AGRN: variants seen among roughly 807,000 people sequenced by gnomAD.
AGRN encodes agrin proteoglycan.
In AGRN, 106 loss-of-function variants were observed where a neutral mutation model predicts 211.0. That is an observed-to-expected ratio of 0.50 (90% CI 0.43 to 0.59). The LOEUF (loss-of-function observed/expected upper bound fraction) is 0.59, where lower values mean the gene tolerates loss of function less well. AGRN is among the 20% of genes least tolerant of loss of function. AGRN has a pLI of 0.00. For synonymous variants in AGRN, 1,525 were observed against 1,332.5 expected (o/e 1.14, Z -3.15); for missense variants, 3,040 against 2,982.6 (o/e 1.02, Z -0.45).
In AGRN at chr1:1,044,408, G is replaced by C. The variant is rs763474149; in HGVS notation, c.2223G>C (p.Gly741=). The change falls in exon 12 of 36, where the codon GGG becomes GGC. Residue 741 remains glycine, a synonymous_variant. Coordinates refer to ENST00000379370, the MANE Select transcript of AGRN (RefSeq NM_198576.4). ...AGGCCAGGTGTGAGTCACAGCGAGG[G>C]CTCTACGTAGCGGCCCAGGGAGCCT... is the stretch of plus-strand genomic sequence containing the variant. The part of the protein sequence containing the change: ...LKKARCESQR[G]LYVAAQGACR... 2 of 1,611,888 alleles carry C rather than the reference G, an allele frequency of 1.2e-6. No individual in the cohort carries two copies. The highest frequency in any genetic ancestry group is 3.3e-5 in the Admixed American group (2 of 59,920).
In AGRN at chr1:1,041,403, C is replaced by A. The variant is rs980423212; in HGVS notation, c.952+6C>A. 8 of 1,543,968 alleles carry A rather than the reference C, an allele frequency of 5.2e-6. No individual in the cohort carries two copies. In the South Asian group the frequency reaches 5.9e-5, roughly 11 times the overall value. ...GAAGTTCGACGGCCCTTGTGGTGAG[C>A]GCGGCGGCGGGCGCACGGCTCGAGC... On this transcript the variant is annotated splice_donor_region_variant and intron_variant, in intron 5 of 35. Transcript: ENST00000379370.
chr1:1,022,455 T>G lies in AGRN; in HGVS notation c.456T>G (p.Cys152Trp). The stretch of plus-strand genomic sequence containing the variant: ...GGAACCTGGAGGAGGTGGAGTTCTG[T>G]GTGGAAGGTGCGTGGTGGGGGGCTC... ...TLRNLEEVEF[C>W]VEDKPGTHFT... is the part of the protein sequence containing the mutation. The change falls in exon 2 of 36, where the codon TGT (cysteine) becomes TGG (tryptophan). Residue 152 changes from cysteine (C) to tryptophan (W), a missense_variant. By Grantham distance (215) the Cys-to-Trp change is radical. Transcript: ENST00000379370. 1 of 1,608,612 alleles carries G rather than the reference T, an allele frequency of 6.2e-7. No individual in the cohort carries two copies. The highest frequency in any genetic ancestry group is 2.2e-5 in the East Asian group (1 of 44,754).
rs201682470 is a variant in AGRN, at chr1:1,031,050, A to ATG, written c.464-4216_464-4215dup. On this transcript the variant is annotated intron_variant, in intron 2 of 35. Coordinates refer to ENST00000379370, the MANE Select transcript of AGRN (RefSeq NM_198576.4). The surrounding 1 kb of genome is among the most constrained non-coding windows in gnomAD (Gnocchi z 4.8). ...TGCATGGTGCTGTGAGTGTATCAGC[A>ATG]TGTGTGTGTGTGCAGTGCATGGTGC... 1.1e-5 allele frequency among the ~76,000 whole-genome samples: 1 copy of ATG among 92,982 alleles called. No individual in the cohort carries two copies. 61.0% of individuals were successfully genotyped at this position (92,982 alleles called of 152,430 possible).
In AGRN at chr1:1,050,852, C is replaced by A; in HGVS notation, c.5253+15C>A. 1 of 1,543,354 alleles carries A rather than the reference C, an allele frequency of 6.5e-7. No homozygotes were observed. On this transcript the variant is annotated intron_variant, in intron 30 of 35. Transcript: ENST00000379370. The stretch of plus-strand genomic sequence containing the variant: ...GGGAGTCCCCGGTGAGTGCTCTGGG[C>A]CGCGAGGGGACTCCCGCTGCTGCCT...
In AGRN at chr1:1,050,171, C is replaced by T. The variant is rs935810924; in HGVS notation, c.4880-62C>T. On this transcript the variant is annotated intron_variant, in intron 27 of 35. Transcript: ENST00000379370. ...GTTTTGAGTTAGGATCCACACACGGCTGGCATGGGGTGCAGGAGGCCCCGG... is the reference window on the plus strand; with the variant it reads ...GTTTTGAGTTAGGATCCACACACGGTTGGCATGGGGTGCAGGAGGCCCCGG... 19 of 1,600,382 alleles carry T rather than the reference C, an allele frequency of 1.2e-5. No individual in the cohort carries two copies. The South Asian group carries it at 1.5e-4, about 13-fold the overall frequency.
intron 33 of AGRN, chr1:1,053,518 C>G (rs535266341): frequency 6.5e-7 from 1 of 1,527,844 alleles, no homozygotes; most frequent in African/African-American, 1.4e-5. Flanking sequence ...GCAGTGCCTG[C>G]AGACCCCTGG....
chr1:1,049,084 G>T, intron 24 of AGRN, 25 bp downstream of exon 24: 3 of 1,449,464 alleles, frequency 2.1e-6, no homozygotes, highest in South Asian at 1.3e-5. Flanking sequence ...GACGGGGCCG[G>T]GGCAGCTCAG....
Position 1,047,898 on chromosome 1 carries a change from G to A in AGRN, c.3751+3G>A. 6.2e-7 allele frequency: 1 copy of A among 1,603,042 alleles called. No homozygotes were observed. The highest frequency in any genetic ancestry group is 8.5e-7 in the Non-Finnish European group (1 of 1,176,028). On this transcript the variant is annotated splice_donor_region_variant and intron_variant, in intron 22 of 35. Transcript: ENST00000379370. ...GCACGTGCGATTTATGGACTTTGGT[G>A]AGCGCCAGGCCACGAGCCACAGCTT...
chr1:1,041,247 G>A lies in AGRN; in HGVS notation c.802G>A (p.Ala268Thr), dbSNP rs747150231. 7 of 1,492,596 alleles carry A rather than the reference G, an allele frequency of 4.7e-6. No individual in the cohort carries two copies. Among genetic ancestry groups the A allele is most frequent in the Admixed American group, 4.4e-5 (2 of 45,894 alleles). The allele number at this position is 1,492,596 out of a possible 1,614,324, so 92.5% of individuals were successfully genotyped here. Residue 268 changes from alanine to threonine, a missense_variant, in exon 5 of 36, where the codon GCC becomes ACC. Around this residue, in one of 3 missense-constraint regions of AGRN, gnomAD observed 1,498 missense variants for 1,457.8 expected, o/e 1.03. Coordinates refer to ENST00000379370, the MANE Select transcript of AGRN (RefSeq NM_198576.4). ...TCARSADGLT[A>T]SCLCPATCRG... ...TGCGCGCTCGGCCGACGGGCTGACG[G>A]CCTCGTGCCTGTGCCCCGCGACCTG... is the stretch of plus-strand genomic sequence containing the variant.
chr1:1,034,100 C>T lies in AGRN; in HGVS notation c.464-1177C>T, dbSNP rs1194636013. On this transcript the variant is annotated intron_variant, in intron 2 of 35. Transcript: ENST00000379370. Reference sequence around the variant, plus strand: ...TCTCGCTCCCGACGCGGCCGCCCCTCCTGCCTGCCCGCTCCTATCGCCGCT... The same window carrying T: ...TCTCGCTCCCGACGCGGCCGCCCCTTCTGCCTGCCCGCTCCTATCGCCGCT... The T allele has an allele frequency of 9.1e-6, 9 of 984,490 alleles. No individual in the cohort carries two copies. In the South Asian group the frequency reaches 3.8e-4, roughly 41 times the overall value. 61.0% of individuals were successfully genotyped at this position (984,490 alleles called of 1,614,324 possible).
intron 7 of AGRN, among the ~76,000 whole-genome samples, chr1:1,042,927 CAG>C (rs1322233194): frequency 6.6e-6 from 1 of 152,050 alleles, no homozygotes; most frequent in Non-Finnish European, 1.5e-5. Flanking sequence ...TGCTGGTGGT[CAG>C]GGGTCAGTGG....
intron 2 of AGRN, among the ~76,000 whole-genome samples, chr1:1,026,843 C>A (rs976466967): frequency 6.6e-6 from 1 of 152,192 alleles, no homozygotes; most frequent in Non-Finnish European, 1.5e-5. Flanking sequence ...GACAGTCGCC[C>A]GCTGGAGGAG....
chr1:1,034,957 G>A (rs1046219383), intron 2 of AGRN: 1 of 481,224 alleles, frequency 2.1e-6, no homozygotes, highest in Admixed American at 3.2e-5. Flanking sequence ...CTGAGAGCCG[G>A]CAGTTGGGGG....
intron 2 of AGRN, chr1:1,034,613 G>T: frequency 1.0e-6 from 1 of 986,750 alleles, no homozygotes; most frequent in Non-Finnish European, 1.2e-6. Flanking sequence ...CTCCCTGCTG[G>T]TGCGAGGCTT....
At chr1:1,038,699 A>G (rs537873130) in intron 3 of AGRN, among the ~76,000 whole-genome samples, 1 of 152,154 alleles carries the variant, frequency 6.6e-6, no homozygotes, top group African/African-American at 2.4e-5. Flanking sequence ...GTCCTTGGCC[A>G]TGGGGTTGGG....
At chr1:1,044,285 G>C in intron 11 of AGRN, 28 bp downstream of exon 11, 1 of 1,612,464 alleles carries the variant, frequency 6.2e-7, no homozygotes, top group Middle Eastern at 1.7e-4. Context: ...GGCTCTCGGC[G>C]GGCGGCGGGG....
At position 1,049,734 on chromosome 1, in the gene AGRN, G is replaced by A. The variant is rs760507388; in HGVS notation, c.4683G>A (p.Gly1561=). 5 of 1,581,360 alleles carry A rather than the reference G, an allele frequency of 3.2e-6. No homozygotes were observed. In the Admixed American group the frequency reaches 7.4e-5, roughly 24 times the overall value. The stretch of plus-strand genomic sequence containing the variant: ...GCCTGCCCAACCCCTGCCATGGCGG[G>A]GCCCCATGCCAGAACCTGGAGGCTG... ...HPCLPNPCHG[G]APCQNLEAGR... Residue 1561 remains glycine (G), a synonymous_variant, in exon 26 of 36, where the codon GGG becomes GGA. Coordinates refer to ENST00000379370, the MANE Select transcript of AGRN (RefSeq NM_198576.4).
intron 2 of AGRN, chr1:1,035,006 G>T (rs1644767329): frequency 3.5e-6 from 2 of 577,572 alleles, no homozygotes; most frequent in Non-Finnish European, 6.2e-6. Flanking sequence ...AGGGAAGGGG[G>T]TCCTGCCTGC....
rs1436625602 is a variant in AGRN, at chr1:1,053,932, C to T, written c.5831C>T (p.Thr1944Ile). Residue 1944 changes from threonine (T) to isoleucine (I), a missense_variant, in exon 34 of 36, where the codon ACC becomes ATC. By Grantham distance (89) the Thr-to-Ile change is moderately conservative. Transcript: ENST00000379370. Reference sequence around the variant, plus strand: ...TCCCAGCCCGTGGTGCTGCGTTCCACCGTGCCCGTCAACACCAACCGCTGG... The same window carrying T: ...TCCCAGCCCGTGGTGCTGCGTTCCATCGTGCCCGTCAACACCAACCGCTGG... ...LGSQPVVLRSTVPVNTNRWLR... is the reference protein window; with the variant it reads ...LGSQPVVLRSIVPVNTNRWLR... The T allele has an allele frequency of 3.7e-6, 6 of 1,604,770 alleles. No individual in the cohort carries two copies. Among genetic ancestry groups the T allele is most frequent in the Admixed American group, 1.7e-5 (1 of 58,894 alleles).
Sources: gnomAD v4.1 joint callset for allele counts (sites outside exome capture counted in the v4.1 genomes callset) on GRCh38, gnomAD v4.1.1 for gene constraint, gnomAD v4.1.1 regional missense constraint, Gnocchi (gnomAD v3.1) non-coding constraint, MANE v1.5 for transcripts, NCBI Gene and HGNC (gene_info 2026-07-23, HGNC 2026-07-21) for gene names.